The following LTBR variants were observed in gnomAD, a reference collection of about 807,000 sequenced individuals.
LTBR encodes lymphotoxin beta receptor.
Under a neutral mutation model 45.4 loss-of-function variants are expected in LTBR, and 15 were observed. The observed-to-expected ratio is 0.33, with a 90% CI of 0.22 to 0.51. The LOEUF (loss-of-function observed/expected upper bound fraction) is 0.51, where lower values mean the gene tolerates loss of function less well. Ranked by LOEUF, LTBR falls within the 20% of genes least tolerant of loss-of-function variation. LTBR has a pLI of 0.97. For synonymous variants in LTBR, 228 were observed against 231.0 expected, an observed-to-expected ratio of 0.99 and a Z score of 0.12; for missense variants, 450 against 565.5, an observed-to-expected ratio of 0.80 and a Z score of 2.07.
rs758102863 is a variant in LTBR, at chr12:6,388,836, G to T, written c.801+11G>T. On this transcript the variant is annotated intron_variant, in intron 8 of 9. Transcript: ENST00000228918. The surrounding 1 kb of genome is among the most constrained non-coding windows in gnomAD (Gnocchi z 4.3). ...AAGAGGCGTCCGCAGGTAATGGCGG[G>T]GGCTGAGAAGGCAGCAAGAAGGGGA... 3.7e-6 allele frequency: 6 copies of T among 1,613,904 alleles called. No homozygotes were observed. In the Admixed American group the frequency reaches 1.0e-4, roughly 27 times the overall value.
chr12:6,375,358 G>A, upstream of LTBR: 3 of 1,455,600 alleles, frequency 2.1e-6, no homozygotes, highest in Non-Finnish European at 2.7e-6. Flanking sequence ...CTGACCTCGA[G>A]CTGTGTCCTG....
rs72645156 is a variant in LTBR, at chr12:6,377,417, G to A, written c.39+1823G>A. On this transcript the variant is annotated intron_variant, in intron 1 of 9. Transcript: ENST00000539925. ...AATTCAGAATTCTCCTCCTCCTCTG[G>A]GGCTATCTACTTAGCGCTTTTGCCA... The A allele has an allele frequency of 4.1e-6, 3 of 727,106 alleles. No individual in the cohort carries two copies. The South Asian group carries it at 5.2e-5, about 13-fold the overall frequency. 45.0% of individuals were successfully genotyped at this position (727,106 alleles called of 1,614,324 possible). A position where few individuals can be genotyped will look rare whatever the true frequency, so the allele number is the denominator to read the frequency against.
intron 9 of LTBR, 30 bp from the exon 10 acceptor site, chr12:6,390,630 T>A: frequency 6.7e-7 from 1 of 1,497,960 alleles, no homozygotes; most frequent in Non-Finnish European, 8.9e-7. Flanking sequence ...GGGGCCTTCC[T>A]TCCTCAACAC....
chr12:6,376,715 C>A (rs1184714290), intron 1 of LTBR, among the ~76,000 whole-genome samples: 1 of 152,108 alleles, frequency 6.6e-6, no homozygotes. Context: ...GGAGGAGACT[C>A]GGGAGAGCCA....
In LTBR at chr12:6,376,348, C is replaced by T. The variant is rs1247639157; in HGVS notation, c.39+754C>T. The T allele has an allele frequency of 2.5e-5, 5 of 203,006 alleles. No individual in the cohort carries two copies. In the Admixed American group the frequency reaches 3.3e-4, roughly 13 times the overall value. The allele number at this position is 203,006 out of a possible 1,614,324, so 12.6% of individuals were successfully genotyped here. On this transcript the variant is annotated intron_variant, in intron 1 of 9. Transcript: ENST00000539925. ...ATTCTGTTCTTTTTTACACTGTTGG[C>T]TGCCAGGCCAGGAATGTGTAATCGC...
chr12:6,376,122 C>A (rs113654634), intron 1 of LTBR: 331 of 987,586 alleles, frequency 3.4e-4, no homozygotes, highest in Non-Finnish European at 3.9e-4. Context: ...CAGCCTCACC[C>A]TCAGGCCCTG....
In LTBR at chr12:6,385,065, T is replaced by C. The variant is rs1949023201; in HGVS notation, c.237T>C (p.Val79=). The change falls in exon 3 of 10, where the codon GTT becomes GTC. Residue 79 remains valine (V), a synonymous_variant. Coordinates refer to ENST00000228918, the MANE Select transcript of LTBR (RefSeq NM_002342.3). ...SAKCSRIRDT[V]CATCAENSYN... is the part of the protein sequence containing the mutation. ...AATGTAGCCGCATCCGGGACACAGT[T>C]TGTGCCACATGTGCCGAGAATTCCT... The C allele has an allele frequency of 6.2e-7, 1 of 1,614,202 alleles. No homozygotes were observed. Among genetic ancestry groups the C allele is most frequent in the Non-Finnish European group, 8.5e-7 (1 of 1,180,030 alleles).
intron 9 of LTBR, 83 bp from the exon 10 acceptor site, chr12:6,390,577 G>A: frequency 7.2e-7 from 1 of 1,384,042 alleles, no homozygotes; most frequent in Non-Finnish European, 9.7e-7. Flanking sequence ...CAGGGGAAAG[G>A]CGAGAAGAAG....
In LTBR at chr12:6,388,613, C is replaced by T. The variant is rs1949075988; in HGVS notation, c.775+108C>T. ...CACCCTCAAGACTCCCAATGCCTAC[C>T]CCCAACATAGACATCCTTATCTTCA... On this transcript the variant is annotated intron_variant, in intron 7 of 9. Coordinates refer to ENST00000228918, the MANE Select transcript of LTBR (RefSeq NM_002342.3). This position sits in a 1 kb window ranked among gnomAD's most constrained non-coding sequence, Gnocchi z 4.3. 1.8e-6 allele frequency: 2 copies of T among 1,109,180 alleles called. No homozygotes were observed. The highest frequency in any genetic ancestry group is 2.7e-6 in the Non-Finnish European group (2 of 734,706). 68.7% of individuals were successfully genotyped at this position (1,109,180 alleles called of 1,614,324 possible).
chr12:6,380,208 A>T (rs1482092391), upstream of LTBR, among the ~76,000 whole-genome samples: 1 of 131,394 alleles, frequency 7.6e-6, no homozygotes, highest in East Asian at 3.2e-4. Context: ...CTGGGGGGCA[A>T]AGTCACCCCC....
Position 6,388,457 on chromosome 12 carries a change from G to T in LTBR, c.727G>T (p.Val243Phe). 6.2e-7 allele frequency: 1 copy of T among 1,613,926 alleles called. No individual in the cohort carries two copies. The highest frequency in any genetic ancestry group is 8.5e-7 in the Non-Finnish European group (1 of 1,179,982). Reference sequence around the variant, plus strand: ...GGCCTTCTTTCTGCTCCTTGCCACCGTCTTCTCCTGCATCTGGAAGAGCCA... The same window carrying T: ...GGCCTTCTTTCTGCTCCTTGCCACCTTCTTCTCCTGCATCTGGAAGAGCCA... ...PLAFFLLLATVFSCIWKSHPS... is the reference protein window; with the variant it reads ...PLAFFLLLATFFSCIWKSHPS... Residue 243 changes from valine to phenylalanine, a missense_variant, in exon 7 of 10, where the codon GTC becomes TTC. Transcript: ENST00000228918. This position sits in a 1 kb window ranked among gnomAD's most constrained non-coding sequence, Gnocchi z 4.3.
chr12:6,390,171 C>T lies in LTBR; in HGVS notation c.861C>T (p.Phe287=), dbSNP rs780363968. The change falls in exon 9 of 10, where the codon TTC becomes TTT. Residue 287 remains phenylalanine, a synonymous_variant. Coordinates refer to ENST00000228918, the MANE Select transcript of LTBR (RefSeq NM_002342.3). ...AGCCTCCGAAGGCCCATCCATACTT[C>T]CCTGACTTGGTACAGCCACTGCTAC... ...SWEPPKAHPY[F]PDLVQPLLPI... 3.4e-5 allele frequency: 55 copies of T among 1,614,144 alleles called. No homozygotes were observed. The South Asian group carries it at 5.6e-4, about 16-fold the overall frequency.
At chr12:6,376,119 A>G in intron 1 of LTBR, 1 of 987,798 alleles carries the variant, frequency 1.0e-6, no homozygotes, top group Non-Finnish European at 1.2e-6. Flanking sequence ...GGTCAGCCTC[A>G]CCCTCAGGCC....
Position 6,386,265 on chromosome 12 carries a change from T to G in LTBR, c.570-82T>G. 6.7e-7 allele frequency: 1 copy of G among 1,491,258 alleles called. No individual in the cohort carries two copies. Among genetic ancestry groups the G allele is most frequent in the Admixed American group, 1.7e-5 (1 of 58,374 alleles). The allele number at this position is 1,491,258 out of a possible 1,614,324, so 92.4% of individuals were successfully genotyped here. A position where few individuals can be genotyped will look rare whatever the true frequency, so the allele number is the denominator to read the frequency against. On this transcript the variant is annotated intron_variant, in intron 5 of 9. Transcript: ENST00000228918. This position sits in a 1 kb window ranked among gnomAD's most constrained non-coding sequence, Gnocchi z 4.1. ...ACACCACGGACTCGACTCACCACTT[T>G]CAGCCTCCCCGCCTGCCCAGTGGAG...
chr12:6,381,832 G>T (rs1008726055), upstream of LTBR, among the ~76,000 whole-genome samples: 1 of 152,200 alleles, frequency 6.6e-6, no homozygotes, highest in Non-Finnish European at 1.5e-5. Flanking sequence ...AATCAGCCAG[G>T]CATGGTGGCA....
At position 6,388,669 on chromosome 12, in the gene LTBR, G is replaced by C. The variant is rs1949076304; in HGVS notation, c.776-131G>C. ...CTGCTTATTCTGAGGCTGGAGATGAGAGTGACAGTGGCTTGTTCCTCTGGG... is the reference window on the plus strand; with the variant it reads ...CTGCTTATTCTGAGGCTGGAGATGACAGTGACAGTGGCTTGTTCCTCTGGG... On this transcript the variant is annotated intron_variant, in intron 7 of 9. Coordinates refer to ENST00000228918, the MANE Select transcript of LTBR (RefSeq NM_002342.3). This position sits in a 1 kb window ranked among gnomAD's most constrained non-coding sequence, Gnocchi z 4.3. 1.7e-6 allele frequency: 2 copies of C among 1,191,668 alleles called. No individual in the cohort carries two copies. Among genetic ancestry groups the C allele is most frequent in the Admixed American group, 3.6e-5 (2 of 56,032 alleles). 73.8% of individuals were successfully genotyped at this position (1,191,668 alleles called of 1,614,324 possible).
In LTBR at chr12:6,386,311, G is replaced by T. The variant is rs775172286; in HGVS notation, c.570-36G>T. The T allele has an allele frequency of 6.3e-7, 1 of 1,580,770 alleles. No individual in the cohort carries two copies. Among genetic ancestry groups the T allele is most frequent in the Non-Finnish European group, 8.7e-7 (1 of 1,150,896 alleles). On this transcript the variant is annotated intron_variant, in intron 5 of 9. Coordinates refer to ENST00000228918, the MANE Select transcript of LTBR (RefSeq NM_002342.3). This position sits in a 1 kb window ranked among gnomAD's most constrained non-coding sequence, Gnocchi z 4.1. Reference sequence around the variant, plus strand: ...TGGAGTCGGGACACTGGTGGGCCAGGGCGTGAAAAGGTCATCATCTTTTTT... The same window carrying T: ...TGGAGTCGGGACACTGGTGGGCCAGTGCGTGAAAAGGTCATCATCTTTTTT...
Position 6,386,455 on chromosome 12 carries a change from A to G in LTBR, c.667+11A>G, listed in dbSNP as rs775972327. 8 of 1,497,870 alleles carry G rather than the reference A, an allele frequency of 5.3e-6. No homozygotes were observed. The highest frequency in any genetic ancestry group is 1.8e-4 in the Middle Eastern group (1 of 5,672). The allele number at this position is 1,497,870 out of a possible 1,614,324, so 92.8% of individuals were successfully genotyped here. On this transcript the variant is annotated intron_variant, in intron 6 of 9. Transcript: ENST00000228918. This position sits in a 1 kb window ranked among gnomAD's most constrained non-coding sequence, Gnocchi z 4.1. ...CCCCAGAGATGTCAGGTGAGGGACC[A>G]GGGCTGAGGGACACGGGGGGGGCGC... is the stretch of plus-strand genomic sequence containing the variant.
chr12:6,389,445 C>A (rs868778248), intron 8 of LTBR: 3 of 156,148 alleles, frequency 1.9e-5, no homozygotes, highest in African/African-American at 7.2e-5. Flanking sequence ...CAGTGGCTCA[C>A]GCCCAAGCTC....
Sources: gnomAD v4.1 joint callset for allele counts (sites outside exome capture counted in the v4.1 genomes callset) on GRCh38, gnomAD v4.1.1 for gene constraint, Gnocchi (gnomAD v3.1) non-coding constraint, MANE v1.5 for transcripts, NCBI Gene and HGNC (gene_info 2026-07-23, HGNC 2026-07-21) for gene names.